KCNH7: variants seen among roughly 807,000 people sequenced by gnomAD.
The protein encoded by KCNH7 is voltage-gated inwardly rectifying potassium channel KCNH7.
KCNH7 carries 49 observed loss-of-function variants against 120.8 expected under a neutral mutation model. The observed-to-expected ratio is 0.41, with a 90% confidence interval of 0.32 to 0.51. The LOEUF (loss-of-function observed/expected upper bound fraction) is 0.51, where lower values mean the gene tolerates loss of function less well. KCNH7 is among the 20% of genes least tolerant of loss of function. The pLI is 0.38. For synonymous variants in KCNH7, 547 were observed against 516.1 expected, an observed-to-expected ratio of 1.06 and a Z score of -0.81; for missense variants, 1,097 against 1,446.6, an observed-to-expected ratio of 0.76 and a Z score of 3.92.
intron 12 of KCNH7, among the ~76,000 whole-genome samples, chr2:162,387,626 T>TGTTTAATTCAACCACA (rs1686613307): frequency 6.6e-6 from 1 of 151,736 alleles, no homozygotes; most frequent in South Asian, 2.1e-4. Flanking sequence ...GATTTGCTTC[T>TGTTTAATTCAACCACA]GATTCAGAAG....
At chr2:162,702,230 G>A (rs56393105) in intron 2 of KCNH7, among the ~76,000 whole-genome samples, 13,142 of 152,056 alleles carry the variant, frequency 0.086, 1,899 homozygotes, top group African/African-American at 0.3. Flanking sequence ...ATAGTGATAA[G>A]AACAATATTC....
At chr2:162,786,755 T>A (rs1315204577) in intron 2 of KCNH7, among the ~76,000 whole-genome samples, 2 of 152,162 alleles carry the variant, frequency 1.3e-5, no homozygotes, top group Non-Finnish European at 2.9e-5. Flanking sequence ...AGCTGCATGA[T>A]TTAAAAATAA....
intron 2 of KCNH7, among the ~76,000 whole-genome samples, chr2:162,721,151 A>C (rs1249267154): frequency 6.6e-6 from 1 of 152,166 alleles, no homozygotes; most frequent in Non-Finnish European, 1.5e-5. Context: ...ATAGTTGCAA[A>C]TAACCTCAAG....
chr2:162,589,962 T>A (rs1303591668), intron 2 of KCNH7, among the ~76,000 whole-genome samples: 1 of 152,080 alleles, frequency 6.6e-6, no homozygotes, highest in Admixed American at 6.6e-5. Context: ...AGGAATGAAC[T>A]TATGAAAATA....
At chr2:162,466,168 C>T (rs1196835028) in intron 6 of KCNH7, among the ~76,000 whole-genome samples, 1 of 152,068 alleles carries the variant, frequency 6.6e-6, no homozygotes, top group Non-Finnish European at 1.5e-5. Flanking sequence ...AAAAATGGCA[C>T]AAGAGAGACA....
chr2:162,385,715 C>T (rs1209915137), intron 12 of KCNH7, among the ~76,000 whole-genome samples: 1 of 151,778 alleles, frequency 6.6e-6, no homozygotes, highest in African/African-American at 2.4e-5. Context: ...CTGGTTTCTG[C>T]TAATAACTAA....
intron 2 of KCNH7, among the ~76,000 whole-genome samples, chr2:162,580,222 C>T (rs1015371641): frequency 5.3e-5 from 8 of 151,970 alleles, no homozygotes; most frequent in African/African-American, 1.9e-4. Flanking sequence ...TCACAGCACA[C>T]GTCCATCACT....
At chr2:162,619,430 T>C (rs2105190163) in intron 2 of KCNH7, among the ~76,000 whole-genome samples, 1 of 150,238 alleles carries the variant, frequency 6.7e-6, no homozygotes, top group Admixed American at 6.7e-5. Flanking sequence ...ACAATAAGAA[T>C]TGGCCCCTTG....
chr2:162,835,332 G>T (rs1480212097), intron 2 of KCNH7, among the ~76,000 whole-genome samples: 1 of 151,960 alleles, frequency 6.6e-6, no homozygotes, highest in Admixed American at 6.6e-5. Flanking sequence ...TGAATTATAA[G>T]AAAATAAGAG....
intron 2 of KCNH7, among the ~76,000 whole-genome samples, chr2:162,763,610 G>A (rs113698863): frequency 4.8e-4 from 73 of 152,070 alleles, no homozygotes; most frequent in African/African-American, 1.7e-3. Flanking sequence ...GGAGAGAAAT[G>A]GGGTATAGGA....
At chr2:162,525,786 A>T (rs978377576) in intron 3 of KCNH7, among the ~76,000 whole-genome samples, 1 of 151,932 alleles carries the variant, frequency 6.6e-6, no homozygotes. Flanking sequence ...GACACCAATT[A>T]CCCAAATGCT....
At chr2:162,793,940 C>T (rs538797825) in intron 2 of KCNH7, among the ~76,000 whole-genome samples, 8 of 151,764 alleles carry the variant, frequency 5.3e-5, no homozygotes, top group Middle Eastern at 6.8e-3. Flanking sequence ...CCTAAATGTT[C>T]TCACCACAAA....
chr2:162,533,557 T>C (rs924759318), intron 3 of KCNH7, among the ~76,000 whole-genome samples: 1 of 151,670 alleles, frequency 6.6e-6, no homozygotes, highest in Non-Finnish European at 1.5e-5. Context: ...GGGGGAAAAT[T>C]AGTAAACAAA....
intron 2 of KCNH7, among the ~76,000 whole-genome samples, chr2:162,817,869 T>C (rs1400282169): frequency 2.0e-5 from 3 of 152,126 alleles, no homozygotes; most frequent in Non-Finnish European, 4.4e-5. Context: ...CATCTGTTTT[T>C]ATTTGGGTTG....
At chr2:162,670,898 A>G (rs1226855533) in intron 2 of KCNH7, among the ~76,000 whole-genome samples, 1 of 152,158 alleles carries the variant, frequency 6.6e-6, no homozygotes, top group Non-Finnish European at 1.5e-5. Context: ...AAGTGAAAAT[A>G]CAAGTTAAAG....
intron 2 of KCNH7, among the ~76,000 whole-genome samples, chr2:162,545,144 T>A (rs1044010925): frequency 6.6e-6 from 1 of 152,158 alleles, no homozygotes; most frequent in Non-Finnish European, 1.5e-5. Context: ...AAGAGTGAGA[T>A]GTTAACAGAT....
intron 2 of KCNH7, among the ~76,000 whole-genome samples, chr2:162,589,552 C>A (rs1423520982): frequency 6.6e-6 from 1 of 151,962 alleles, no homozygotes; most frequent in African/African-American, 2.4e-5. Context: ...TTTTGTAGAG[C>A]ACAAACTCTC....
intron 9 of KCNH7, among the ~76,000 whole-genome samples, chr2:162,417,364 C>T (rs918273650): frequency 6.6e-6 from 1 of 152,108 alleles, no homozygotes; most frequent in African/African-American, 2.4e-5. Flanking sequence ...TGATCTGAAA[C>T]TGAATTGAGT....
intron 2 of KCNH7, among the ~76,000 whole-genome samples, chr2:162,680,776 C>T (rs777953272): frequency 5.3e-5 from 8 of 151,676 alleles, no homozygotes; most frequent in Non-Finnish European, 1.0e-4. Context: ...TTTTAAGTGA[C>T]TGTAATACTA....
Sources: gnomAD v4.1 joint callset for allele counts (sites outside exome capture counted in the v4.1 genomes callset) on GRCh38, gnomAD v4.1.1 for gene constraint, MANE v1.5 for transcripts, NCBI Gene and HGNC (gene_info 2026-07-23, HGNC 2026-07-21) for gene names.